The following GPHN variants were observed in gnomAD, a reference collection of about 807,000 sequenced individuals.
The protein encoded by GPHN is gephyrin.
A neutral mutation model predicts 95.5 loss-of-function variants in GPHN; 17 were observed. The ratio of observed to expected loss-of-function variants is 0.18; its 90% CI spans 0.12 to 0.27. GPHN has a LOEUF of 0.27. Among genes scored for constraint, GPHN ranks in the 10% least tolerant of loss-of-function variants. The pLI, the probability that GPHN is intolerant of heterozygous loss-of-function variation, is 1.00. For missense variants in GPHN, 660 were observed against 978.1 expected (o/e 0.67, Z 4.34); for synonymous variants, 320 against 322.5 (o/e 0.99, Z 0.08).
the GPHN span, chr14:67,199,010 G>GCTTCAAAAGGCAA: frequency 2.8e-6 from 2 of 708,748 alleles, no homozygotes; most frequent in Middle Eastern, 4.6e-4. Context: ...TGACAAGGGA[G>GCTTCAAAAGGCAA]GACAACAGAC....
intron 9 of GPHN, among the ~76,000 whole-genome samples, chr14:66,982,341 A>G (rs768075239): frequency 5.3e-5 from 8 of 152,242 alleles, no homozygotes; most frequent in Non-Finnish European, 1.2e-4. Context: ...TAATATTACT[A>G]GAATCCAAAT....
At chr14:67,421,257 G>A in the GPHN span, among the ~76,000 whole-genome samples, 1 of 152,156 alleles carries the variant, frequency 6.6e-6, no homozygotes, top group African/African-American at 2.4e-5. Flanking sequence ...ACTCAACAAA[G>A]TTAACCATGT....
At chr14:67,690,013 G>A in the GPHN span, 1 of 560,796 alleles carries the variant, frequency 1.8e-6, no homozygotes, top group Non-Finnish European at 3.2e-6. Flanking sequence ...CAGGCCTTCA[G>A]ACTCAAAGTC....
the GPHN span, among the ~76,000 whole-genome samples, chr14:67,215,693 C>T: frequency 1.8e-3 from 280 of 152,096 alleles, no homozygotes; most frequent in Non-Finnish European, 2.1e-3. Context: ...ATTAGAAAAG[C>T]GTAAGGTTTA....
chr14:67,381,271 T>C, the GPHN span, among the ~76,000 whole-genome samples: 1 of 152,194 alleles, frequency 6.6e-6, no homozygotes, highest in African/African-American at 2.4e-5. Flanking sequence ...TACAAAAAAA[T>C]GCTACAAATT....
chr14:67,102,516 C>T (rs1167603458), intron 13 of GPHN, among the ~76,000 whole-genome samples: 2 of 151,838 alleles, frequency 1.3e-5, no homozygotes, highest in African/African-American at 2.4e-5. Context: ...CAAAATGAGC[C>T]AGGCGTGGTG....
the GPHN span, chr14:67,642,219 T>A: frequency 6.2e-7 from 1 of 1,614,118 alleles, no homozygotes; most frequent in East Asian, 2.2e-5. Context: ...GATTTGAGTT[T>A]TACTCCAGTC....
chr14:67,519,065 G>A, the GPHN span, among the ~76,000 whole-genome samples: 1 of 152,174 alleles, frequency 6.6e-6, no homozygotes, highest in Admixed American at 6.5e-5. Context: ...TGGGGGATGG[G>A]ACATATGGAT....
chr14:67,656,505 G>A, the GPHN span: 25 of 1,613,690 alleles, frequency 1.5e-5, no homozygotes, highest in East Asian at 2.2e-4. Context: ...GTGGCAATCC[G>A]ATGAGAACGT....
chr14:67,362,993 T>G, the GPHN span, among the ~76,000 whole-genome samples: 2 of 152,184 alleles, frequency 1.3e-5, no homozygotes, highest in African/African-American at 4.8e-5. Flanking sequence ...ATTGCCCATG[T>G]TTTTTAACCA....
chr14:66,733,319 T>G (rs2071965709), intron 2 of GPHN, among the ~76,000 whole-genome samples: 1 of 151,918 alleles, frequency 6.6e-6, no homozygotes, highest in South Asian at 2.1e-4. Context: ...TTTTTTTTTT[T>G]GTAAATTACC....
At chr14:67,393,321 G>A in the GPHN span, 1 of 941,686 alleles carries the variant, frequency 1.1e-6, no homozygotes, top group Non-Finnish European at 1.8e-6. Context: ...TCACTGCTAA[G>A]GGTATAAAGC....
At chr14:66,561,138 G>T (rs1222556553) in intron 1 of GPHN, among the ~76,000 whole-genome samples, 1 of 152,222 alleles carries the variant, frequency 6.6e-6, no homozygotes, top group South Asian at 2.1e-4. Context: ...GCTGGATTCG[G>T]TTTGCCAGTA....
chr14:66,541,073 G>C (rs1330929438), intron 1 of GPHN, among the ~76,000 whole-genome samples: 2 of 152,086 alleles, frequency 1.3e-5, no homozygotes, highest in Non-Finnish European at 2.9e-5. Flanking sequence ...TCAGCCTCCT[G>C]AGTAGCTGGA....
the GPHN span, among the ~76,000 whole-genome samples, chr14:67,517,330 G>T: frequency 2.0e-5 from 3 of 152,204 alleles, no homozygotes; most frequent in East Asian, 1.9e-4. Flanking sequence ...AGCACAATGG[G>T]CTGGAAAGGC....
chr14:67,237,264 T>C, the GPHN span, among the ~76,000 whole-genome samples: 7 of 152,180 alleles, frequency 4.6e-5, no homozygotes, highest in Non-Finnish European at 1.0e-4. Flanking sequence ...AATTCACTTA[T>C]GAAAATTCTA....
At chr14:67,025,344 G>T (rs2073871483) in intron 10 of GPHN, among the ~76,000 whole-genome samples, 1 of 152,122 alleles carries the variant, frequency 6.6e-6, no homozygotes, top group Admixed American at 6.5e-5. Flanking sequence ...TAAGTATTTT[G>T]CAAGCTGGCC....
At chr14:67,546,426 A>C in the GPHN span, among the ~76,000 whole-genome samples, 1 of 152,082 alleles carries the variant, frequency 6.6e-6, no homozygotes, top group Non-Finnish European at 1.5e-5. Context: ...TTTGAGACAA[A>C]GTTTCTCTCT....
chr14:67,540,985 T>C, the GPHN span, among the ~76,000 whole-genome samples: 1 of 152,216 alleles, frequency 6.6e-6, no homozygotes. Context: ...TCTGAATTTG[T>C]ACAAATTTTT....
Sources: allele counts gnomAD v4.1 joint callset (sites outside exome capture counted in the v4.1 genomes callset), GRCh38; gene constraint gnomAD v4.1.1; transcripts MANE v1.5; gene names NCBI Gene and HGNC (gene_info 2026-07-23, HGNC 2026-07-21).